Variants in ZNF155 observed in about 807,000 individuals in gnomAD.
The protein encoded by ZNF155 is KRAB A domain.
ZNF155 carries 15 observed loss-of-function variants against 11.9 expected under a neutral mutation model. That is an observed-to-expected ratio of 1.26 (90% confidence interval 0.84 to 1.94). ZNF155 has a LOEUF of 1.94. Among genes scored for constraint, ZNF155 ranks in the 30% most tolerant of loss-of-function variants. ZNF155 has a pLI of 0.00. For missense variants in ZNF155, 602 were observed against 639.1 expected (o/e 0.94, Z 0.63); for synonymous variants, 212 against 219.9 (o/e 0.96, Z 0.32).
At position 43,988,565 on chromosome 19, in the gene ZNF155, G is replaced by A. The variant is rs1258387616; in HGVS notation, c.15+7G>A. The A allele has an allele frequency of 1.2e-6, 2 of 1,600,460 alleles. No homozygotes were observed. Among genetic ancestry groups the A allele is most frequent in the Non-Finnish European group, 8.5e-7 (1 of 1,171,538 alleles). On this transcript the variant is annotated splice_region_variant and intron_variant, in intron 2 of 4. Transcript: ENST00000270014. ...AAAAATGACCACATTCAAGGTGAGG[G>A]GGGCGTGCCTCTCTCGCTGTTAAAA...
rs574505884 is a variant in ZNF155 at position 43,991,849 on chromosome 19, A to G, written c.150A>G (p.Gln50=). 6.2e-7 allele frequency: 1 copy of G among 1,613,784 alleles called. No individual in the cohort carries two copies. The highest frequency in any genetic ancestry group is 1.7e-5 in the Admixed American group (1 of 59,994). ...GACCTTACCTATTCACAGGGCATCA[A>G]CCGTTCCACCAAGATACTTGCCACT... The part of the protein sequence containing the change: ...NFRNLLSVGH[Q]PFHQDTCHFL... Residue 50 remains glutamine, a synonymous_variant, in exon 4 of 5, where the codon CAA becomes CAG. Coordinates refer to ENST00000270014, the MANE Select transcript of ZNF155 (RefSeq NM_198089.3).
rs115854621 is a variant in ZNF155 at position 43,996,582 on chromosome 19, G to A, written c.725G>A (p.Ser242Asn). 2 of 1,613,084 alleles carry A rather than the reference G, an allele frequency of 1.2e-6. No individual in the cohort carries two copies. The highest frequency in any genetic ancestry group is 2.7e-5 in the African/African-American group (2 of 74,988). ...FKCEQCGKGF[S>N]RRSALNVHRK... is the part of the protein sequence containing the mutation. The stretch of plus-strand genomic sequence containing the variant: ...TGTGAGCAATGTGGGAAAGGTTTCA[G>A]TCGTAGATCAGCACTTAATGTTCAT... Residue 242 changes from serine to asparagine, a missense_variant, in exon 5 of 5, where the codon AGT becomes AAT. Coordinates refer to ENST00000270014, the MANE Select transcript of ZNF155 (RefSeq NM_198089.3).
chr19:43,989,768 G>A lies in ZNF155; in HGVS notation c.15+1210G>A, dbSNP rs150976372. 3.0e-3 allele frequency among the ~76,000 whole-genome samples: 463 copies of A among 152,298 alleles called. 5 individuals carry two copies. Among genetic ancestry groups the A allele is most frequent in the African/African-American group, 0.011 (437 of 41,560 alleles). ...CTTTAAATCCCTTTTGGCAAAAGAT[G>A]CCTCACACAATGTTACCAGAAGAAA... is the stretch of plus-strand genomic sequence containing the variant. On this transcript the variant is annotated intron_variant, in intron 2 of 4. Transcript: ENST00000270014.
At position 43,990,037 on chromosome 19, in the gene ZNF155, T is replaced by A. The variant is rs1250979147; in HGVS notation, c.15+1479T>A. The A allele has an allele frequency of 2.7e-6, 4 of 1,496,142 alleles. No homozygotes were observed. In the Admixed American group the frequency reaches 7.7e-5, roughly 29 times the overall value. The allele number at this position is 1,496,142 out of a possible 1,614,324, so 92.7% of individuals were successfully genotyped here. ...TCCCCAAATCAGATTACCAAGACTG[T>A]GGGAATACTTATAACCTGCTCTTGG... On this transcript the variant is annotated intron_variant, in intron 2 of 4. Coordinates refer to ENST00000270014, the MANE Select transcript of ZNF155 (RefSeq NM_198089.3).
rs10409556 is a variant in ZNF155, at chr19:43,996,790, A to T, written c.933A>T (p.Thr311=). Residue 311 remains threonine, a synonymous_variant, in exon 5 of 5, where the codon ACA becomes ACT. Transcript: ENST00000270014. ...TTAAGAGCCATTCCATGGTTCACAC[A>T]GGAGAAAAACCATTTAGGTGTGATA... ...SRLKSHSMVH[T]GEKPFRCDTC... 2.6e-3 allele frequency: 4,128 copies of T among 1,612,410 alleles called. 69 individuals are homozygous for T. In the African/African-American group the frequency reaches 0.044, roughly 17 times the overall value.
chr19:43,990,657 C>T (rs932761898), intron 2 of ZNF155, among the ~76,000 whole-genome samples: 1 of 152,202 alleles, frequency 6.6e-6, no homozygotes, highest in African/African-American at 2.4e-5. Context: ...GTAGAGGACA[C>T]ACTACATAAC....
chr19:43,985,412 G>A (rs1975402330), intron 1 of ZNF155, among the ~76,000 whole-genome samples: 1 of 151,878 alleles, frequency 6.6e-6, no homozygotes, highest in African/African-American at 2.4e-5. Context: ...TATAGGATGT[G>A]TCCTTGGGCA....
In ZNF155 at chr19:43,996,829, C is replaced by T. The variant is rs1975891665; in HGVS notation, c.972C>T (p.Ser324=). 1.2e-6 allele frequency: 2 copies of T among 1,613,862 alleles called. No homozygotes were observed. The highest frequency in any genetic ancestry group is 8.5e-7 in the Non-Finnish European group (1 of 1,179,998). ...KPFRCDTCDK[S]FHQRSALNRH... ...TTAGGTGTGATACATGTGATAAGAG[C>T]TTTCATCAGAGATCAGCACTTAATA... Residue 324 remains serine (S), a synonymous_variant, in exon 5 of 5, where the codon AGC becomes AGT. Coordinates refer to ENST00000270014, the MANE Select transcript of ZNF155 (RefSeq NM_198089.3).
intron 1 of ZNF155, among the ~76,000 whole-genome samples, chr19:43,985,317 T>C (rs906197575): frequency 3.3e-5 from 5 of 152,162 alleles, no homozygotes; most frequent in African/African-American, 1.2e-4. Flanking sequence ...TGCCTCGGCC[T>C]CCCAAAGTGC....
At position 43,997,591 on chromosome 19, in the gene ZNF155, G is replaced by A. The variant is rs1395307048; in HGVS notation, c.*117G>A. On this transcript the variant is annotated 3_prime_UTR_variant, in exon 5 of 5. Transcript: ENST00000270014. ...CAAACATTTACCATTTCTTTGTGTTGGAAAATTCAAAATCCATTTGAGAGG... is the reference window on the plus strand; with the variant it reads ...CAAACATTTACCATTTCTTTGTGTTAGAAAATTCAAAATCCATTTGAGAGG... 1.9e-6 allele frequency: 2 copies of A among 1,050,280 alleles called. No individual in the cohort carries two copies. Among genetic ancestry groups the A allele is most frequent in the Admixed American group, 6.1e-5 (2 of 32,624 alleles). The allele number at this position is 1,050,280 out of a possible 1,614,324, so 65.1% of individuals were successfully genotyped here.
chr19:43,997,158 G>A lies in ZNF155; in HGVS notation c.1301G>A (p.Gly434Glu). 6.2e-7 allele frequency: 1 copy of A among 1,614,172 alleles called. No homozygotes were observed. Among genetic ancestry groups the A allele is most frequent in the Non-Finnish European group, 8.5e-7 (1 of 1,180,024 alleles). The change falls in exon 5 of 5, where the codon GGG becomes GAG. Residue 434 changes from glycine to glutamate, a missense_variant. By Grantham distance (98) the Gly-to-Glu change is moderately conservative. Coordinates refer to ENST00000270014, the MANE Select transcript of ZNF155 (RefSeq NM_198089.3). ...AAGCCATATAAATGTGAGGAGTGTG[G>A]GAAGGGCTATGTTACTAAGTTTAAT... ...GEKPYKCEEC[G>E]KGYVTKFNLD... is the part of the protein sequence containing the mutation.
Position 43,997,257 on chromosome 19 carries a change from G to A in ZNF155, c.1400G>A (p.Arg467Gln), listed in dbSNP as rs759520278. The A allele has an allele frequency of 7.4e-6, 12 of 1,613,994 alleles. No homozygotes were observed. The highest frequency in any genetic ancestry group is 3.3e-5 in the South Asian group (3 of 91,060). Residue 467 changes from arginine to glutamine, a missense_variant, in exon 5 of 5, where the codon CGG becomes CAG. Coordinates refer to ENST00000270014, the MANE Select transcript of ZNF155 (RefSeq NM_198089.3). Reference sequence around the variant, plus strand: ...AAGGAATGTGGGAAGAACTTTAGCCGGGCCTCAAGTATTTTGAATCATAAG... The same window carrying A: ...AAGGAATGTGGGAAGAACTTTAGCCAGGCCTCAAGTATTTTGAATCATAAG... ...NCKECGKNFS[R>Q]ASSILNHKRL...
At position 43,997,771 on chromosome 19, in the gene ZNF155, C is replaced by A; in HGVS notation, c.*297C>A. The stretch of plus-strand genomic sequence containing the variant: ...ACAGGGGATTGTGCCTGGAGACATG[C>A]CCATGGCTGCACAGATAGAAGAACC... On this transcript the variant is annotated 3_prime_UTR_variant, in exon 5 of 5. Transcript: ENST00000270014. 1 of 276,914 alleles carries A rather than the reference C, an allele frequency of 3.6e-6. No homozygotes were observed. The allele number at this position is 276,914 out of a possible 1,614,324, so 17.2% of individuals were successfully genotyped here. A position where few individuals can be genotyped will look rare whatever the true frequency, so the allele number is the denominator to read the frequency against.
At chr19:43,990,153 C>T in intron 2 of ZNF155, 1 of 1,232,638 alleles carries the variant, frequency 8.1e-7, no homozygotes, top group Non-Finnish European at 1.1e-6. Flanking sequence ...GTTATATGAT[C>T]ACAGTTCTAA....
intron 4 of ZNF155, among the ~76,000 whole-genome samples, chr19:43,994,076 A>G (rs1300387863): frequency 6.6e-6 from 1 of 152,184 alleles, no homozygotes; most frequent in African/African-American, 2.4e-5. Flanking sequence ...TGCAGAGTTT[A>G]ACTGTATTTC....
chr19:43,992,874 C>T (rs550662962), intron 4 of ZNF155, among the ~76,000 whole-genome samples: 1 of 152,350 alleles, frequency 6.6e-6, no homozygotes, highest in Admixed American at 6.5e-5. Context: ...TGATTGGTTT[C>T]AGGTGTGTAC....
chr19:43,991,742 A>G, intron 3 of ZNF155, 68 bp downstream of exon 3: 1 of 1,608,524 alleles, frequency 6.2e-7, no homozygotes, highest in Non-Finnish European at 8.5e-7. Context: ...TAGAGTGTTC[A>G]AGTTTGAGTG....
chr19:43,991,497 C>T, intron 2 of ZNF155, 51 bp from the exon 3 acceptor site: 1 of 1,613,180 alleles, frequency 6.2e-7, no homozygotes, highest in South Asian at 1.1e-5. Context: ...CCGCTTCTCC[C>T]CCAGTAGTCC....
chr19:43,989,770 C>T (rs1975589193), intron 2 of ZNF155, among the ~76,000 whole-genome samples: 1 of 152,126 alleles, frequency 6.6e-6, no homozygotes, highest in Admixed American at 6.5e-5. Context: ...CAAAAGATGC[C>T]TCACACAATG....
Sources: allele counts gnomAD v4.1 joint callset (sites outside exome capture counted in the v4.1 genomes callset), GRCh38; gene constraint gnomAD v4.1.1; transcripts MANE v1.5; gene names NCBI Gene and HGNC (gene_info 2026-07-23, HGNC 2026-07-21).